The following DDX60 variants were observed in gnomAD, a reference collection of about 807,000 sequenced individuals.
DDX60 encodes the protein DExD/H-box helicase 60.
A neutral mutation model predicts 212.8 loss-of-function variants in DDX60; 165 were observed. That is an observed-to-expected ratio of 0.78 (90% confidence interval 0.68 to 0.88). The LOEUF (loss-of-function observed/expected upper bound fraction) is 0.88, where lower values mean the gene tolerates loss of function less well. Ranked by LOEUF, DDX60 falls within the 40% of genes least tolerant of loss-of-function variation. The probability of loss-of-function intolerance (pLI) is 0.00; values close to 1 mark genes in which losing one functional copy is unlikely to be tolerated. For missense variants in DDX60, 1,905 were observed against 2,003.9 expected, an observed-to-expected ratio of 0.95 and a Z score of 0.94; for synonymous variants, 703 against 685.3, an observed-to-expected ratio of 1.03 and a Z score of -0.40.
intron 1 of DDX60, among the ~76,000 whole-genome samples, chr4:168,316,951 G>A (rs1285465763): frequency 1.3e-5 from 2 of 151,532 alleles, no homozygotes; most frequent in African/African-American, 4.8e-5. Context: ...CCAGCTACTT[G>A]GGAGGCTGAG....
intron 6 of DDX60, among the ~76,000 whole-genome samples, chr4:168,300,486 G>A (rs1736599989): frequency 6.6e-6 from 1 of 152,014 alleles, no homozygotes; most frequent in Non-Finnish European, 1.5e-5. Context: ...GTTGCAATGA[G>A]CCGAGATCAT....
At chr4:168,235,478 C>G (rs1733599751) in intron 33 of DDX60, among the ~76,000 whole-genome samples, 1 of 151,972 alleles carries the variant, frequency 6.6e-6, no homozygotes, top group African/African-American at 2.4e-5. Context: ...TTCAAAAATG[C>G]ATGAGTGGTG....
intron 30 of DDX60, among the ~76,000 whole-genome samples, chr4:168,241,364 T>C (rs531157582): frequency 6.6e-6 from 1 of 152,094 alleles, no homozygotes; most frequent in East Asian, 1.9e-4. Context: ...ATTGGAACAG[T>C]TTGGAGGGCT....
In DDX60 at chr4:168,271,896, T is replaced by C. The variant is rs930596422; in HGVS notation, c.2670+147A>G. On this transcript the variant is annotated intron_variant, in intron 19 of 37. Transcript: ENST00000393743. ...AAAAGGGAGCCAAAAAAGTGATTTTTCCTGAAAAATCACTCAGGAAAAAAA... is the reference window on the plus strand; with the variant it reads ...AAAAGGGAGCCAAAAAAGTGATTTTCCCTGAAAAATCACTCAGGAAAAAAA... 8 of 643,380 alleles carry C rather than the reference T, an allele frequency of 1.2e-5. No individual in the cohort carries two copies. In the African/African-American group the frequency reaches 1.5e-4, roughly 12 times the overall value. The allele number at this position is 643,380 out of a possible 1,614,324, so 39.9% of individuals were successfully genotyped here.
intron 8 of DDX60, among the ~76,000 whole-genome samples, chr4:168,290,269 T>C (rs1049144297): frequency 6.6e-6 from 1 of 152,078 alleles, no homozygotes; most frequent in Non-Finnish European, 1.5e-5. Context: ...ACTCCTTCTA[T>C]TCCTCCAGGA....
At chr4:168,293,974 A>G (rs762058967) in intron 6 of DDX60, 29 bp from the exon 7 acceptor site, 6 of 1,588,678 alleles carry the variant, frequency 3.8e-6, no homozygotes, top group Non-Finnish European at 4.3e-6. Context: ...GTAATGTGTC[A>G]TGCTATTTAG....
chr4:168,297,392 G>T (rs1736448152), intron 6 of DDX60, among the ~76,000 whole-genome samples: 1 of 108,990 alleles, frequency 9.2e-6, no homozygotes, highest in South Asian at 3.0e-4. Context: ...GAGAAAGAAA[G>T]AAAGAAAGAA....
Position 168,251,083 on chromosome 4 carries a change from T to G in DDX60, c.3729A>C (p.Arg1243=). The change falls in exon 28 of 38, where the codon CGA becomes CGC. Residue 1243 remains arginine, a synonymous_variant. Coordinates refer to ENST00000393743, the MANE Select transcript of DDX60 (RefSeq NM_017631.6). ...CTTCACCTTTTCTTTCAAATTTTAC[T>G]CGACCAAATACCTTCTGCAAAGTCT... ...DTETLQKVFG[R]VKFERKGEEL... is the part of the protein sequence containing the mutation. 1 of 1,613,488 alleles carries G rather than the reference T, an allele frequency of 6.2e-7. No homozygotes were observed. Among genetic ancestry groups the G allele is most frequent in the Non-Finnish European group, 8.5e-7 (1 of 1,179,828 alleles).
chr4:168,265,883 AAGG>A, intron 22 of DDX60, among the ~76,000 whole-genome samples: 3 of 144,232 alleles, frequency 2.1e-5, no homozygotes, highest in Middle Eastern at 3.2e-3. Flanking sequence ...AAGGGAAGGG[AAGG>A]GAAGGGAAGG....
chr4:168,231,658 C>A (rs542629876), intron 33 of DDX60, among the ~76,000 whole-genome samples: 1 of 152,074 alleles, frequency 6.6e-6, no homozygotes, highest in African/African-American at 2.4e-5. Context: ...TGACAAAATC[C>A]AGCATCCCTT....
At chr4:168,268,363 T>A (rs1734941012) in intron 20 of DDX60, among the ~76,000 whole-genome samples, 1 of 152,132 alleles carries the variant, frequency 6.6e-6, no homozygotes, top group Non-Finnish European at 1.5e-5. Flanking sequence ...AGGATTGTTA[T>A]TAGTAAATAA....
At chr4:168,239,980 T>C (rs2149498304) in intron 30 of DDX60, among the ~76,000 whole-genome samples, 1 of 152,108 alleles carries the variant, frequency 6.6e-6, no homozygotes, top group South Asian at 2.1e-4. Flanking sequence ...GCCAGGGCAA[T>C]CAGGCAAGAA....
intron 13 of DDX60, among the ~76,000 whole-genome samples, chr4:168,281,093 T>C (rs1379343744): frequency 6.6e-6 from 1 of 152,170 alleles, no homozygotes; most frequent in East Asian, 1.9e-4. Context: ...TGAGCCGAGA[T>C]TGGGCCACTG....
intron 14 of DDX60, among the ~76,000 whole-genome samples, chr4:168,276,456 G>T (rs958432159): frequency 1.2e-4 from 19 of 152,052 alleles, no homozygotes; most frequent in Non-Finnish European, 2.5e-4. Context: ...TAAAAGTTTA[G>T]GAAGAATAAC....
At chr4:168,235,413 G>C (rs1319438837) in intron 33 of DDX60, among the ~76,000 whole-genome samples, 1 of 151,982 alleles carries the variant, frequency 6.6e-6, no homozygotes, top group Non-Finnish European at 1.5e-5. Context: ...AATAGAGATA[G>C]TGAATTTTCT....
In DDX60 at chr4:168,311,075, TAA is replaced by T; in HGVS notation, c.5-10_5-9del. ...TTGTAAGAACATTTCTTTCTAAATT[TAA>T]AAAAAAAGAGAGAAAGAGAATGGGT... On this transcript the variant is annotated splice_polypyrimidine_tract_variant and intron_variant, in intron 2 of 37. Transcript: ENST00000393743. The T allele has an allele frequency of 6.6e-7, 1 of 1,510,080 alleles. No homozygotes were observed. Among genetic ancestry groups the T allele is most frequent in the East Asian group, 2.3e-5 (1 of 43,502 alleles). The allele number at this position is 1,510,080 out of a possible 1,614,324, so 93.5% of individuals were successfully genotyped here. A position where few individuals can be genotyped will look rare whatever the true frequency, so the allele number is the denominator to read the frequency against.
At chr4:168,268,374 ATAAC>A (rs927875537) in intron 20 of DDX60, among the ~76,000 whole-genome samples, 9 of 152,290 alleles carry the variant, frequency 5.9e-5, no homozygotes, top group East Asian at 1.9e-4. Context: ...TAGTAAATAA[ATAAC>A]TATTATTATA....
chr4:168,284,978 A>T, intron 11 of DDX60, 43 bp from the exon 12 acceptor site: 1 of 932,146 alleles, frequency 1.1e-6, no homozygotes, highest in East Asian at 2.5e-5. Flanking sequence ...CACACTTCCA[A>T]ATATAACACA....
intron 30 of DDX60, among the ~76,000 whole-genome samples, chr4:168,241,710 G>A (rs1733846954): frequency 6.6e-6 from 1 of 152,150 alleles, no homozygotes; most frequent in East Asian, 1.9e-4. Flanking sequence ...AAGGGAAGCA[G>A]AGCATAAAAG....
Sources: allele counts gnomAD v4.1 joint callset (sites outside exome capture counted in the v4.1 genomes callset), GRCh38; gene constraint gnomAD v4.1.1; transcripts MANE v1.5; gene names NCBI Gene and HGNC (gene_info 2026-07-23, HGNC 2026-07-21).